CLIP2: variants seen among roughly 807,000 people sequenced by gnomAD.
The protein encoded by CLIP2 is CAP-Gly domain containing linker protein 2, also known as CAP-Gly domain-containing linker protein 2.
Under a neutral mutation model 111.7 loss-of-function variants are expected in CLIP2, and 41 were observed. That is an observed-to-expected ratio of 0.37 (90% CI 0.29 to 0.48). CLIP2 has a LOEUF of 0.48. Among genes scored for constraint, CLIP2 ranks in the 20% least tolerant of loss-of-function variants. The pLI is 0.99. For missense variants in CLIP2, 1,160 were observed against 1,422.1 expected (o/e 0.82, Z 2.96); for synonymous variants, 660 against 644.2 (o/e 1.02, Z -0.37).
chr7:74,360,315 C>A (rs1258111094), intron 7 of CLIP2, 37 bp downstream of exon 7: 2 of 1,490,866 alleles, frequency 1.3e-6, no homozygotes, highest in Non-Finnish European at 1.8e-6. Flanking sequence ...GCCCTGAGTC[C>A]CCTTAAGGAG....
chr7:74,366,577 G>T (rs1790474170), intron 8 of CLIP2, among the ~76,000 whole-genome samples: 1 of 152,216 alleles, frequency 6.6e-6, no homozygotes, highest in Non-Finnish European at 1.5e-5. Flanking sequence ...AGTTCTGGAA[G>T]CCAGAAGTCT....
At chr7:74,296,595 C>T (rs1443160655) in intron 1 of CLIP2, among the ~76,000 whole-genome samples, 2 of 151,838 alleles carry the variant, frequency 1.3e-5, no homozygotes, top group African/African-American at 4.8e-5. Context: ...CAAGACCAGT[C>T]TGGCCAATGT....
chr7:74,295,666 A>C (rs551055823), intron 1 of CLIP2, among the ~76,000 whole-genome samples: 31 of 152,270 alleles, frequency 2.0e-4, no homozygotes, highest in African/African-American at 7.5e-4. Context: ...AAAGGACTTG[A>C]GGTGATTTAC....
intron 3 of CLIP2, 28 bp downstream of exon 3, chr7:74,339,032 G>A (rs1412985527): frequency 1.3e-6 from 2 of 1,567,410 alleles, no homozygotes; most frequent in Admixed American, 1.7e-5. Context: ...TGGGCTCTGG[G>A]CCCAGCTTCC....
chr7:74,379,201 C>T (rs1016278575), intron 10 of CLIP2, among the ~76,000 whole-genome samples: 1 of 152,014 alleles, frequency 6.6e-6, no homozygotes, highest in East Asian at 1.9e-4. Flanking sequence ...CGGTGGCTCA[C>T]ACCTGTAATC....
At position 74,338,781 on chromosome 7, in the gene CLIP2, A is replaced by G; in HGVS notation, c.455A>G (p.Glu152Gly). The change falls in exon 3 of 17, where the codon GAG (glutamate) becomes GGG (glycine). Residue 152 changes from glutamate (E) to glycine (G), a missense_variant. This residue lies in a region of CLIP2 where 301 missense variants were observed against 315.2 expected (regional missense o/e 0.96). Transcript: ENST00000223398. This position sits in a 1 kb window ranked among gnomAD's most constrained non-coding sequence, Gnocchi z 4.3. The stretch of plus-strand genomic sequence containing the variant: ...AAGCTGACCCGGCAGCCCACGGCCG[A>G]GGGCTCGGGGAGTGATGCCCACTCC... ...PSKLTRQPTA[E>G]GSGSDAHSVE... is the part of the protein sequence containing the mutation. The G allele has an allele frequency of 6.2e-7, 1 of 1,610,266 alleles. No homozygotes were observed. Among genetic ancestry groups the G allele is most frequent in the South Asian group, 1.1e-5 (1 of 90,912 alleles).
At chr7:74,306,331 G>A (rs570257986) in intron 1 of CLIP2, among the ~76,000 whole-genome samples, 115 of 152,264 alleles carry the variant, frequency 7.6e-4, no homozygotes, top group African/African-American at 2.6e-3. Context: ...GGACCCCCGA[G>A]GGCCCTGGAG....
At chr7:74,351,601 T>TG (rs1789999923) in intron 3 of CLIP2, among the ~76,000 whole-genome samples, 3 of 151,828 alleles carry the variant, frequency 2.0e-5, no homozygotes, top group Non-Finnish European at 4.4e-5. Flanking sequence ...TTTGGGAGGC[T>TG]AAGGAGGGCA....
rs782731877 is a variant in CLIP2 at position 74,394,242 on chromosome 7, C to CT, written c.2721-2830dup. Among the ~76,000 whole-genome samples the CT allele has an allele frequency of 1.1e-3, 131 of 119,698 alleles. 1 individual carries two copies. The highest frequency in any genetic ancestry group is 3.2e-3 in the African/African-American group (102 of 32,338). 78.5% of individuals were successfully genotyped at this position (119,698 alleles called of 152,430 possible). Reference sequence around the variant, plus strand: ...CCTTCTGGGATACCTTCTTTTTCTTCTTATTTTTTTTTTTTTTTTTTTTTT... The same window carrying CT: ...CCTTCTGGGATACCTTCTTTTTCTTCTTTATTTTTTTTTTTTTTTTTTTTTT... On this transcript the variant is annotated intron_variant, in intron 13 of 16. Transcript: ENST00000223398.
Position 74,403,864 on chromosome 7 carries a change from G to A in CLIP2, c.*16G>A, listed in dbSNP as rs1554318127. 2.5e-6 allele frequency: 4 copies of A among 1,613,014 alleles called. No individual in the cohort carries two copies. Among genetic ancestry groups the A allele is most frequent in the Non-Finnish European group, 3.4e-6 (4 of 1,179,860 alleles). On this transcript the variant is annotated 3_prime_UTR_variant, in exon 17 of 17. Transcript: ENST00000223398. ...CAAGCACTGATCCTGAGGGGATACT[G>A]TGGAGCAGCCCAGTCCACACCAGAG...
At chr7:74,403,439 C>T (rs1164550968) in intron 16 of CLIP2, among the ~76,000 whole-genome samples, 1 of 151,978 alleles carries the variant, frequency 6.6e-6, no homozygotes, top group Non-Finnish European at 1.5e-5. Flanking sequence ...CATGGTGGCG[C>T]ATGCCTGTTA....
intron 1 of CLIP2, among the ~76,000 whole-genome samples, chr7:74,305,523 TCA>T (rs1788452991): frequency 6.6e-6 from 1 of 152,174 alleles, no homozygotes; most frequent in African/African-American, 2.4e-5. Context: ...AGACGGAGTC[TCA>T]CTTTGTCGCC....
chr7:74,377,067 C>A (rs1004082155), intron 10 of CLIP2, among the ~76,000 whole-genome samples: 1 of 152,138 alleles, frequency 6.6e-6, no homozygotes, highest in Non-Finnish European at 1.5e-5. Context: ...CTGCATCCCC[C>A]CGCACAGAGC....
chr7:74,308,003 G>C (rs924187566), intron 1 of CLIP2, among the ~76,000 whole-genome samples: 1 of 152,148 alleles, frequency 6.6e-6, no homozygotes, highest in Non-Finnish European at 1.5e-5. Flanking sequence ...GGCCCTGCCT[G>C]AAGTTGCCTG....
At chr7:74,341,903 C>T (rs932445301) in intron 3 of CLIP2, among the ~76,000 whole-genome samples, 1 of 152,224 alleles carries the variant, frequency 6.6e-6, no homozygotes, top group Non-Finnish European at 1.5e-5. Context: ...ACATCAGTGT[C>T]TCCCTACAGA....
Position 74,293,142 on chromosome 7 carries a change from G to A in CLIP2, c.-68+3408G>A, listed in dbSNP as rs547483035. ...TGAGGGTGGTGTGGGGGTGCCCTCC[G>A]ATCCCATACCTTTGGGATTATTTTG... On this transcript the variant is annotated intron_variant, in intron 1 of 16. Coordinates refer to ENST00000223398, the MANE Select transcript of CLIP2 (RefSeq NM_003388.5). 8.3e-4 allele frequency among the ~76,000 whole-genome samples: 127 copies of A among 152,266 alleles called. 1 individual carries two copies. The highest frequency in any genetic ancestry group is 2.3e-3 in the African/African-American group (96 of 41,566).
chr7:74,400,610 G>C (rs1231533180), intron 15 of CLIP2, 55 bp downstream of exon 15: 1 of 1,457,174 alleles, frequency 6.9e-7, no homozygotes, highest in Admixed American at 2.5e-5. Context: ...CAGTGTCCTC[G>C]GAGCCCCCGT....
chr7:74,327,449 G>A (rs1199363619), intron 2 of CLIP2, among the ~76,000 whole-genome samples: 1 of 152,178 alleles, frequency 6.6e-6, no homozygotes, highest in Non-Finnish European at 1.5e-5. Flanking sequence ...TGTACCCCGT[G>A]AGTGTTCCAG....
chr7:74,375,872 C>T lies in CLIP2; in HGVS notation c.1486-15C>T, dbSNP rs1242398998. ...CAGCCAGCCCGCTGATCCCTGTCTC[C>T]CTCTCTCCCCACAGCTGACCACAGT... On this transcript the variant is annotated splice_polypyrimidine_tract_variant and intron_variant, in intron 9 of 16. Coordinates refer to ENST00000223398, the MANE Select transcript of CLIP2 (RefSeq NM_003388.5). 2 of 1,499,452 alleles carry T rather than the reference C, an allele frequency of 1.3e-6. No homozygotes were observed. The highest frequency in any genetic ancestry group is 2.8e-5 in the African/African-American group (2 of 71,840). The allele number at this position is 1,499,452 out of a possible 1,614,324, so 92.9% of individuals were successfully genotyped here. A position where few individuals can be genotyped will look rare whatever the true frequency, so the allele number is the denominator to read the frequency against.
Sources: gnomAD v4.1 joint callset for allele counts (sites outside exome capture counted in the v4.1 genomes callset) on GRCh38, gnomAD v4.1.1 for gene constraint, gnomAD v4.1.1 regional missense constraint, Gnocchi (gnomAD v3.1) non-coding constraint, MANE v1.5 for transcripts, NCBI Gene and HGNC (gene_info 2026-07-23, HGNC 2026-07-21) for gene names.